The following ANKMY1 variants were observed in gnomAD, a reference collection of about 807,000 sequenced individuals.
ANKMY1 encodes ankyrin repeat and MYND domain-containing protein 1.
ANKMY1 carries 98 observed loss-of-function variants against 102.0 expected under a neutral mutation model. That is an observed-to-expected ratio of 0.96 (90% CI 0.82 to 1.14). ANKMY1 has a LOEUF of 1.14. Ranked by LOEUF, ANKMY1 falls within the 50% of genes most tolerant of loss-of-function variation. ANKMY1 has a pLI of 0.00. For synonymous variants in ANKMY1, 582 were observed against 559.9 expected (o/e 1.04, Z -0.56); for missense variants, 1,330 against 1,347.6 (o/e 0.99, Z 0.20).
upstream of ANKMY1, chr2:240,561,001 GC>G: frequency 6.5e-7 from 1 of 1,539,510 alleles, no homozygotes; most frequent in Non-Finnish European, 8.7e-7. Flanking sequence ...TGCAAGAACG[GC>G]CGCAGCCGCT....
Position 240,512,955 on chromosome 2 carries a change from C to T in ANKMY1, c.2005-13G>A. ...TCAGGGTGCTCAGCTGCAGAGGAAA[C>T]ACCGGGGCGGGCAGTGAGGCACATT... is the stretch of plus-strand genomic sequence containing the variant. On this transcript the variant is annotated splice_polypyrimidine_tract_variant and intron_variant, in intron 9 of 17. Transcript: ENST00000401804. 6.2e-7 allele frequency: 1 copy of T among 1,608,852 alleles called. No homozygotes were observed.
intron 4 of ANKMY1, among the ~76,000 whole-genome samples, chr2:240,530,369 T>C (rs1339110415): frequency 2.0e-5 from 3 of 151,970 alleles, no homozygotes; most frequent in Non-Finnish European, 4.4e-5. Context: ...GGGTGTGTCC[T>C]TCATGAACGG....
At chr2:240,547,071 C>T (rs1263432257) in intron 4 of ANKMY1, among the ~76,000 whole-genome samples, 1 of 152,056 alleles carries the variant, frequency 6.6e-6, no homozygotes, top group African/African-American at 2.4e-5. Flanking sequence ...TTTTTCAGCA[C>T]CACACCACAC....
At chr2:240,523,597 C>G in intron 8 of ANKMY1, 2 of 498,748 alleles carry the variant, frequency 4.0e-6, no homozygotes, top group Non-Finnish European at 7.3e-6. Context: ...AGAGACACTT[C>G]AGGCCAGTGC....
chr2:240,548,057 C>A (rs2124983126), intron 4 of ANKMY1, among the ~76,000 whole-genome samples: 1 of 152,132 alleles, frequency 6.6e-6, no homozygotes, highest in East Asian at 1.9e-4. Context: ...AGAGACACAA[C>A]CAAAAAAGAG....
chr2:240,476,766 A>G (rs2074883919), downstream of ANKMY1, among the ~76,000 whole-genome samples: 1 of 152,270 alleles, frequency 6.6e-6, no homozygotes, highest in African/African-American at 2.4e-5. Flanking sequence ...TTACAGGTTA[A>G]GCAGTAATTC....
downstream of ANKMY1, among the ~76,000 whole-genome samples, chr2:240,477,520 T>G (rs1314420229): frequency 6.6e-6 from 1 of 152,112 alleles, no homozygotes; most frequent in Non-Finnish European, 1.5e-5. Context: ...CACAGCCTCC[T>G]GAGTAGCTGG....
At chr2:240,493,292 ACT>A (rs2076860522) in intron 15 of ANKMY1, among the ~76,000 whole-genome samples, 1 of 152,032 alleles carries the variant, frequency 6.6e-6, no homozygotes, top group Admixed American at 6.5e-5. Context: ...GTGCCACTGT[ACT>A]CCAGCCTGGG....
downstream of ANKMY1, chr2:240,479,406 G>A: frequency 1.5e-6 from 1 of 663,802 alleles, no homozygotes. Flanking sequence ...CCCAGCTAGG[G>A]GCAGAGCACA....
chr2:240,472,871 T>C, the ANKMY1 span, among the ~76,000 whole-genome samples: 2 of 152,176 alleles, frequency 1.3e-5, no homozygotes, highest in Admixed American at 6.5e-5. Flanking sequence ...ATGCCTGTCA[T>C]CCCAGCACTT....
chr2:240,483,134 T>C (rs1283706320), intron 15 of ANKMY1, among the ~76,000 whole-genome samples: 4 of 152,176 alleles, frequency 2.6e-5, no homozygotes, highest in Non-Finnish European at 5.9e-5. Context: ...TTTCATCCTT[T>C]TACTTTGTCT....
chr2:240,529,286 T>C lies in ANKMY1; in HGVS notation c.704A>G (p.Glu235Gly). The change falls in exon 5 of 18, where the codon GAG becomes GGG. Residue 235 changes from glutamate to glycine, a missense_variant. Coordinates refer to ENST00000401804, the MANE Select transcript of ANKMY1 (RefSeq NM_001282771.3). The surrounding 1 kb of genome is among the most constrained non-coding windows in gnomAD (Gnocchi z 4.2). ...EEEKTEWGLQ[E>G]GQDPFFYDYK... ...GTCATAGAAAAAGGGATCCTGTCCCTCCTGCAGTCCCCACTCCGTTTTCTC... is the reference window on the plus strand; with the variant it reads ...GTCATAGAAAAAGGGATCCTGTCCCCCCTGCAGTCCCCACTCCGTTTTCTC... 1 of 1,614,188 alleles carries C rather than the reference T, an allele frequency of 6.2e-7. No homozygotes were observed. Among genetic ancestry groups the C allele is most frequent in the East Asian group, 2.2e-5 (1 of 44,874 alleles).
In ANKMY1 at chr2:240,520,112, G is replaced by T; in HGVS notation, c.2004+250C>A. On this transcript the variant is annotated intron_variant, in intron 9 of 17. Transcript: ENST00000401804. This position sits in a 1 kb window ranked among gnomAD's most constrained non-coding sequence, Gnocchi z 4.8. ...CTTCCCCTTAGTTTGCTTCAACACT[G>T]GGAAAAAAATCACACGGATCGTGAA... 1 of 709,238 alleles carries T rather than the reference G, an allele frequency of 1.4e-6. No individual in the cohort carries two copies. Among genetic ancestry groups the T allele is most frequent in the Non-Finnish European group, 2.6e-6 (1 of 387,526 alleles). 43.9% of individuals were successfully genotyped at this position (709,238 alleles called of 1,614,324 possible).
At chr2:240,537,902 C>A (rs1016014651) in intron 4 of ANKMY1, among the ~76,000 whole-genome samples, 4 of 152,232 alleles carry the variant, frequency 2.6e-5, no homozygotes, top group Non-Finnish European at 5.9e-5. Context: ...TGAGCTGCAA[C>A]CAATCCAGCT....
At chr2:240,542,207 G>GAA (rs1245343137) in intron 4 of ANKMY1, among the ~76,000 whole-genome samples, 32 of 74,386 alleles carry the variant, frequency 4.3e-4, no homozygotes, top group African/African-American at 9.9e-4. Flanking sequence ...CTCCATCTCA[G>GAA]AAAAAAAAAA....
At chr2:240,540,671 C>T (rs915502955) in intron 4 of ANKMY1, among the ~76,000 whole-genome samples, 19 of 152,306 alleles carry the variant, frequency 1.2e-4, no homozygotes, top group South Asian at 4.1e-4. Context: ...CAGTCTCCTC[C>T]GCTGCAGCAC....
the ANKMY1 span, among the ~76,000 whole-genome samples, chr2:240,471,463 C>G: frequency 6.6e-6 from 1 of 151,860 alleles, no homozygotes; most frequent in Non-Finnish European, 1.5e-5. Flanking sequence ...CCAGCAGCAC[C>G]CTGAGAACTT....
chr2:240,557,819 C>A, intron 1 of ANKMY1, 62 bp downstream of exon 1: 2 of 962,122 alleles, frequency 2.1e-6, no homozygotes, highest in Non-Finnish European at 2.5e-6. Context: ...GCACCCGCCG[C>A]CCCACGGAGC....
rs1288808246 is a variant in ANKMY1, at chr2:240,524,143, G to A, written c.1574C>T (p.Pro525Leu). The A allele has an allele frequency of 1.1e-5, 18 of 1,613,990 alleles. No individual in the cohort carries two copies. Among genetic ancestry groups the A allele is most frequent in the Non-Finnish European group, 1.3e-5 (15 of 1,180,026 alleles). ...ATGGCCAAGGCTGCCCTTCACCAAC[G>A]GGGAGTCCCCCTTCAGAGAGCTGCT... ...HRSSSLKGDSPLVKGSLGHVE... is the reference protein window; with the variant it reads ...HRSSSLKGDSLLVKGSLGHVE... Residue 525 changes from proline to leucine, a missense_variant, in exon 8 of 18, where the codon CCG becomes CTG. Physicochemically the swap from Pro to Leu is moderately conservative, Grantham distance 98 (BLOSUM62 -3). Coordinates refer to ENST00000401804, the MANE Select transcript of ANKMY1 (RefSeq NM_001282771.3).
Sources: allele counts gnomAD v4.1 joint callset (sites outside exome capture counted in the v4.1 genomes callset), GRCh38; gene constraint gnomAD v4.1.1; non-coding constraint Gnocchi (gnomAD v3.1); transcripts MANE v1.5; gene names NCBI Gene and HGNC (gene_info 2026-07-23, HGNC 2026-07-21).